The following NXPE2 variants were observed in gnomAD, a reference collection of about 807,000 sequenced individuals.
NXPE2 encodes the protein neurexophilin and PC-esterase domain family member 2.
In NXPE2, 34 loss-of-function variants were observed where a neutral mutation model predicts 34.4. The observed-to-expected ratio is 0.99, with a 90% CI of 0.75 to 1.31. NXPE2 has a LOEUF of 1.31. Among genes scored for constraint, NXPE2 ranks in the 40% most tolerant of loss-of-function variants. The pLI is 0.00. For synonymous variants in NXPE2, 235 were observed against 231.3 expected, an observed-to-expected ratio of 1.02 and a Z score of -0.15; for missense variants, 649 against 672.5, an observed-to-expected ratio of 0.97 and a Z score of 0.39.
chr11:114,490,580 T>A, the NXPE2 span, among the ~76,000 whole-genome samples: 1 of 152,142 alleles, frequency 6.6e-6, no homozygotes, highest in Non-Finnish European at 1.5e-5. Flanking sequence ...TTGACAAACC[T>A]GACAAAAACA....
the NXPE2 span, among the ~76,000 whole-genome samples, chr11:114,785,176 C>T: frequency 6.6e-6 from 1 of 152,000 alleles, no homozygotes. Flanking sequence ...CCTGAAGTGG[C>T]TTCTGCATGA....
the NXPE2 span, among the ~76,000 whole-genome samples, chr11:114,591,272 A>T: frequency 6.6e-6 from 1 of 152,168 alleles, no homozygotes; most frequent in East Asian, 1.9e-4. Context: ...ATTTACATTG[A>T]CTCCAAGTAT....
upstream of NXPE2, among the ~76,000 whole-genome samples, chr11:114,673,771 T>C (rs541413904): frequency 8.6e-5 from 13 of 151,942 alleles, no homozygotes; most frequent in South Asian, 1.2e-3. Flanking sequence ...CATAACTCTA[T>C]GTGAGAGCCT....
At chr11:114,601,774 A>G in the NXPE2 span, among the ~76,000 whole-genome samples, 3 of 72,654 alleles carry the variant, frequency 4.1e-5, no homozygotes, top group Non-Finnish European at 2.3e-5. Flanking sequence ...ATTATATATT[A>G]TAATTATATA....
At chr11:114,625,467 A>G in the NXPE2 span, among the ~76,000 whole-genome samples, 2 of 152,132 alleles carry the variant, frequency 1.3e-5, no homozygotes, top group African/African-American at 4.8e-5. Context: ...AACCACTGTC[A>G]CCCGGTGGAT....
chr11:114,615,539 G>C, the NXPE2 span, among the ~76,000 whole-genome samples: 2 of 151,396 alleles, frequency 1.3e-5, no homozygotes, highest in Admixed American at 6.6e-5. Context: ...ACTGTTACCC[G>C]GTGGATAATA....
chr11:114,754,579 T>G, the NXPE2 span, among the ~76,000 whole-genome samples: 1 of 152,152 alleles, frequency 6.6e-6, no homozygotes, highest in South Asian at 2.1e-4. Context: ...AGGAGCACAG[T>G]GGACACCAGA....
the NXPE2 span, among the ~76,000 whole-genome samples, chr11:114,503,309 A>G: frequency 0.035 from 5,370 of 152,272 alleles, 287 homozygotes; most frequent in African/African-American, 0.12. Flanking sequence ...GGTATTTGAT[A>G]AACATTTCCT....
the NXPE2 span, among the ~76,000 whole-genome samples, chr11:114,481,074 C>T: frequency 3.3e-5 from 5 of 152,112 alleles, no homozygotes; most frequent in African/African-American, 9.7e-5. Flanking sequence ...GAGGCAGAAC[C>T]CTTGTGCTGT....
the NXPE2 span, among the ~76,000 whole-genome samples, chr11:114,603,920 A>G: frequency 6.6e-6 from 1 of 150,970 alleles, no homozygotes; most frequent in Non-Finnish European, 1.5e-5. Flanking sequence ...GGTAACTGCT[A>G]ATACCTGGTG....
chr11:114,757,745 C>T, the NXPE2 span, among the ~76,000 whole-genome samples: 1 of 152,076 alleles, frequency 6.6e-6, no homozygotes, highest in Admixed American at 6.6e-5. Context: ...ATGGGATACT[C>T]ATTTTATCTT....
At chr11:114,775,386 G>T in the NXPE2 span, among the ~76,000 whole-genome samples, 41 of 152,298 alleles carry the variant, frequency 2.7e-4, 2 homozygotes, top group African/African-American at 9.1e-4. Flanking sequence ...CAGTTGTTAG[G>T]GGGGGCAAGA....
the NXPE2 span, among the ~76,000 whole-genome samples, chr11:114,625,994 A>G: frequency 2.6e-5 from 4 of 152,264 alleles, 1 homozygote; most frequent in Middle Eastern, 0.014. Context: ...GCACCAGGAG[A>G]TTATATCCCG....
At chr11:114,708,629 C>CAA (rs527711557), downstream of NXPE2, among the ~76,000 whole-genome samples, 6 of 117,090 alleles carry the variant, frequency 5.1e-5, no homozygotes, top group African/African-American at 1.6e-4. Flanking sequence ...GACTCCATCT[C>CAA]AAAAAAAAAA....
chr11:114,595,431 G>T, the NXPE2 span, among the ~76,000 whole-genome samples: 1 of 152,002 alleles, frequency 6.6e-6, no homozygotes, highest in East Asian at 1.9e-4. Context: ...TTGCTTGAAT[G>T]CTGCCTTTCT....
the NXPE2 span, among the ~76,000 whole-genome samples, chr11:114,766,344 G>A: frequency 1.1e-3 from 175 of 152,184 alleles, no homozygotes; most frequent in African/African-American, 4.2e-3. Context: ...ACCAGCTGAC[G>A]GAAGCATCAT....
At chr11:114,618,192 G>T in the NXPE2 span, among the ~76,000 whole-genome samples, 1 of 152,020 alleles carries the variant, frequency 6.6e-6, no homozygotes, top group Non-Finnish European at 1.5e-5. Flanking sequence ...TGGATACTAA[G>T]TATTGCCTCA....
the NXPE2 span, among the ~76,000 whole-genome samples, chr11:114,633,202 A>T: frequency 1.2e-3 from 158 of 128,578 alleles, no homozygotes; most frequent in African/African-American, 4.2e-3. Context: ...TTATGTATAA[A>T]CATGTATATT....
the NXPE2 span, among the ~76,000 whole-genome samples, chr11:114,805,877 G>T: frequency 6.6e-6 from 1 of 152,240 alleles, no homozygotes. Context: ...CTTGAGATCT[G>T]AGAACAGGCA....
Sources: gnomAD v4.1 joint callset for allele counts (sites outside exome capture counted in the v4.1 genomes callset) on GRCh38, gnomAD v4.1.1 for gene constraint, MANE v1.5 for transcripts, NCBI Gene and HGNC (gene_info 2026-07-23, HGNC 2026-07-21) for gene names.